The following ADAMTSL3 variants were observed in gnomAD, a reference collection of about 807,000 sequenced individuals.
ADAMTSL3 encodes the protein ADAMTS like 3.
A neutral mutation model predicts 201.7 loss-of-function variants in ADAMTSL3; 128 were observed. That is an observed-to-expected ratio of 0.63 (90% CI 0.55 to 0.73). ADAMTSL3 has a LOEUF of 0.73. ADAMTSL3 is among the 30% of genes least tolerant of loss of function. The pLI, the probability that ADAMTSL3 is intolerant of heterozygous loss-of-function variation, is 0.00. For missense variants in ADAMTSL3, 1,990 were observed against 2,119.6 expected (o/e 0.94, Z 1.20); for synonymous variants, 738 against 748.4 (o/e 0.99, Z 0.23).
chr15:83,786,110 G>T (rs183036997), intron 4 of ADAMTSL3, among the ~76,000 whole-genome samples: 176 of 152,232 alleles, frequency 1.2e-3, no homozygotes, highest in African/African-American at 4.0e-3. Context: ...CCAGAGTGCT[G>T]GGATTACAGG....
intron 28 of ADAMTSL3, among the ~76,000 whole-genome samples, chr15:84,033,674 AAAAC>A (rs1241745110): frequency 2.0e-5 from 3 of 152,134 alleles, no homozygotes; most frequent in Non-Finnish European, 2.9e-5. Flanking sequence ...AACAAACCAA[AAAAC>A]AAACAAAAAA....
At chr15:83,777,376 G>A (rs541522246) in intron 4 of ADAMTSL3, among the ~76,000 whole-genome samples, 36 of 152,234 alleles carry the variant, frequency 2.4e-4, no homozygotes, top group South Asian at 1.0e-3. Flanking sequence ...TGTAATGACC[G>A]GCAGTCCAAA....
At chr15:83,659,754 A>G (rs1013866915) in intron 2 of ADAMTSL3, among the ~76,000 whole-genome samples, 51 of 152,212 alleles carry the variant, frequency 3.4e-4, no homozygotes, top group African/African-American at 9.9e-4. Context: ...AACAGTCCTT[A>G]TAAGAGAGCC....
rs376034634 is a variant in ADAMTSL3 at position 83,766,682 on chromosome 15, A to C, written c.190-6841A>C. ...ACACAGATGTCCATAAAGAAAATGC[A>C]GGCTTTGTCTGGGGTAAGACAGAAA... is the stretch of plus-strand genomic sequence containing the variant. On this transcript the variant is annotated intron_variant, in intron 3 of 29. Transcript: ENST00000286744. Among the ~76,000 whole-genome samples, 5 of 152,212 alleles carry C rather than the reference A, an allele frequency of 3.3e-5. No individual in the cohort carries two copies. In the East Asian group the frequency reaches 9.6e-4, roughly 29 times the overall value.
chr15:83,678,900 T>C (rs1030063408), intron 2 of ADAMTSL3, among the ~76,000 whole-genome samples: 1 of 147,606 alleles, frequency 6.8e-6, no homozygotes. Context: ...CTTCAGTGAA[T>C]TTAAAAGGAA....
chr15:83,807,520 A>G (rs1361179455), intron 5 of ADAMTSL3, among the ~76,000 whole-genome samples: 1 of 152,208 alleles, frequency 6.6e-6, no homozygotes, highest in Non-Finnish European at 1.5e-5. Context: ...CATGGATTGG[A>G]AAAATTCATA....
At chr15:83,938,467 G>A (rs2066498999) in intron 17 of ADAMTSL3, among the ~76,000 whole-genome samples, 2 of 152,272 alleles carry the variant, frequency 1.3e-5, no homozygotes, top group East Asian at 1.9e-4. Flanking sequence ...TATAGGAGGA[G>A]CATTGCTACC....
chr15:84,030,550 A>C (rs2068388345), intron 27 of ADAMTSL3, among the ~76,000 whole-genome samples: 1 of 152,196 alleles, frequency 6.6e-6, no homozygotes, highest in Non-Finnish European at 1.5e-5. Context: ...TCTAGGAAGT[A>C]ACTAACTTAC....
At chr15:83,787,777 A>G (rs947880801) in intron 4 of ADAMTSL3, among the ~76,000 whole-genome samples, 1 of 152,022 alleles carries the variant, frequency 6.6e-6, no homozygotes, top group African/African-American at 2.4e-5. Context: ...AAGATTTAAC[A>G]ATTTTTCACA....
At chr15:83,953,080 T>C (rs1419843394) in intron 19 of ADAMTSL3, among the ~76,000 whole-genome samples, 2 of 152,212 alleles carry the variant, frequency 1.3e-5, no homozygotes, top group Admixed American at 6.5e-5. Context: ...TTTTCATCCA[T>C]TCAGCCTTTC....
At chr15:83,740,158 TG>T in intron 3 of ADAMTSL3, 1 of 268,632 alleles carries the variant, frequency 3.7e-6, no homozygotes, top group South Asian at 5.8e-5. Flanking sequence ...ATTTGCAAGC[TG>T]GCTGACCAGT....
At chr15:83,915,898 A>G (rs1392668067) in intron 16 of ADAMTSL3, among the ~76,000 whole-genome samples, 1 of 152,240 alleles carries the variant, frequency 6.6e-6, no homozygotes, top group African/African-American at 2.4e-5. Context: ...ATCGGCTGAT[A>G]GAAATTTGAG....
rs190640572 is a variant in ADAMTSL3 at position 83,824,404 on chromosome 15, C to T, written c.600+4357C>T. Among the ~76,000 whole-genome samples, 521 of 152,200 alleles carry T rather than the reference C, an allele frequency of 3.4e-3. 2 individuals carry two copies. Among genetic ancestry groups the T allele is most frequent in the African/African-American group, 0.012 (495 of 41,522 alleles). Reference sequence around the variant, plus strand: ...CATAGGACCCCCCTGCTTCCTTAAACGCACAGCCTCCCCTACTATCAACAT... The same window carrying T: ...CATAGGACCCCCCTGCTTCCTTAAATGCACAGCCTCCCCTACTATCAACAT... On this transcript the variant is annotated intron_variant, in intron 6 of 29. Coordinates refer to ENST00000286744, the MANE Select transcript of ADAMTSL3 (RefSeq NM_207517.3).
In ADAMTSL3 at chr15:83,984,597, C is replaced by T. The variant is rs548595540; in HGVS notation, c.3716+1253C>T. On this transcript the variant is annotated intron_variant, in intron 21 of 29. Coordinates refer to ENST00000286744, the MANE Select transcript of ADAMTSL3 (RefSeq NM_207517.3). ...GAGCTTTTGTAAATGTGAGTTGTAT[C>T]TATTGCTGTTTACCTCACTAGAAAT... Among the ~76,000 whole-genome samples the T allele has an allele frequency of 2.4e-3, 370 of 152,198 alleles. 1 individual carries two copies. Among genetic ancestry groups the T allele is most frequent in the African/African-American group, 8.4e-3 (350 of 41,540 alleles).
At chr15:83,702,452 T>C (rs763899590) in intron 2 of ADAMTSL3, among the ~76,000 whole-genome samples, 22 of 152,278 alleles carry the variant, frequency 1.4e-4, no homozygotes, top group Non-Finnish European at 2.6e-4. Flanking sequence ...CCCCTCCCAT[T>C]ACAGGCCTGG....
chr15:83,894,398 A>C (rs1031135307), intron 13 of ADAMTSL3, among the ~76,000 whole-genome samples: 1 of 152,232 alleles, frequency 6.6e-6, no homozygotes, highest in Non-Finnish European at 1.5e-5. Flanking sequence ...TCCTATCACA[A>C]GTTTAAATAA....
chr15:83,951,003 C>CTTTTTTTTTTTTTTTT (rs75663059), intron 19 of ADAMTSL3, among the ~76,000 whole-genome samples: 1 of 133,468 alleles, frequency 7.5e-6, no homozygotes. Flanking sequence ...CTTTTCTTTT[C>CTTTTTTTTTTTTTTTT]TTTTTTTTTT....
intron 3 of ADAMTSL3, among the ~76,000 whole-genome samples, chr15:83,740,871 C>G (rs1317926038): frequency 6.6e-6 from 1 of 151,986 alleles, no homozygotes; most frequent in African/African-American, 2.4e-5. Flanking sequence ...AGAATGAATA[C>G]TTTAAAATCC....
chr15:83,875,425 T>A (rs1210783828), intron 9 of ADAMTSL3, among the ~76,000 whole-genome samples: 1 of 152,196 alleles, frequency 6.6e-6, no homozygotes, highest in Non-Finnish European at 1.5e-5. Context: ...CCCTTTGCAG[T>A]TGTGTATCTG....
Sources: gnomAD v4.1 joint callset for allele counts (sites outside exome capture counted in the v4.1 genomes callset) on GRCh38, gnomAD v4.1.1 for gene constraint, MANE v1.5 for transcripts, NCBI Gene and HGNC (gene_info 2026-07-23, HGNC 2026-07-21) for gene names.